Variants in PAPSS1 observed in about 807,000 individuals in gnomAD.
PAPSS1 encodes bifunctional 3'-phosphoadenosine 5'-phosphosulfate synthase 1.
Under a neutral mutation model 72.0 loss-of-function variants are expected in PAPSS1, and 50 were observed. The observed-to-expected ratio is 0.69, with a 90% CI of 0.55 to 0.88. PAPSS1 has a LOEUF of 0.88. Ranked by LOEUF, PAPSS1 falls within the 40% of genes least tolerant of loss-of-function variation. The pLI is 0.00. For missense variants in PAPSS1, 657 were observed against 782.2 expected (o/e 0.84, Z 1.91); for synonymous variants, 261 against 263.6 (o/e 0.99, Z 0.09).
At chr4:107,623,989 A>C (rs1316582771) in intron 11 of PAPSS1, among the ~76,000 whole-genome samples, 1 of 152,140 alleles carries the variant, frequency 6.6e-6, no homozygotes, top group Admixed American at 6.5e-5. Flanking sequence ...AGAAACCCAA[A>C]TTTTTTATAA....
At chr4:107,689,351 C>G (rs997903540) in intron 3 of PAPSS1, among the ~76,000 whole-genome samples, 1 of 152,148 alleles carries the variant, frequency 6.6e-6, no homozygotes, top group African/African-American at 2.4e-5. Flanking sequence ...CACGCCACAA[C>G]CCAACCCCTA....
chr4:107,694,493 G>A (rs1478924394), intron 2 of PAPSS1, among the ~76,000 whole-genome samples: 1 of 151,140 alleles, frequency 6.6e-6, no homozygotes, highest in Non-Finnish European at 1.5e-5. Context: ...ACTTCAGAAA[G>A]GCTTAACTAA....
chr4:107,714,873 C>T (rs1488634017), intron 1 of PAPSS1, among the ~76,000 whole-genome samples: 1 of 152,096 alleles, frequency 6.6e-6, no homozygotes, highest in African/African-American at 2.4e-5. Context: ...GAAGCAACTA[C>T]GCTAAGGGGA....
At chr4:107,693,025 T>C (rs1054797333) in intron 3 of PAPSS1, among the ~76,000 whole-genome samples, 2 of 152,110 alleles carry the variant, frequency 1.3e-5, no homozygotes, top group Non-Finnish European at 2.9e-5. Context: ...TCAGGAAGAA[T>C]AGCTAATGGA....
rs1014121948 is a variant in PAPSS1 at position 107,656,198 on chromosome 4, C to A, written c.895+698G>T. Among the ~76,000 whole-genome samples, 6 of 152,108 alleles carry A rather than the reference C, an allele frequency of 3.9e-5. No individual in the cohort carries two copies. The South Asian group carries it at 8.3e-4, about 21-fold the overall frequency. On this transcript the variant is annotated intron_variant, in intron 7 of 11. Coordinates refer to ENST00000265174, the MANE Select transcript of PAPSS1 (RefSeq NM_005443.5). ...TGCCATGATCTTGGCTCACCACACC[C>A]TCCACTTCCTAGGTTCAAGCGATTC... is the stretch of plus-strand genomic sequence containing the variant.
chr4:107,715,761 A>G (rs1228158585), intron 1 of PAPSS1, among the ~76,000 whole-genome samples: 1 of 152,226 alleles, frequency 6.6e-6, no homozygotes, highest in Non-Finnish European at 1.5e-5. Context: ...AGTGTTAAAT[A>G]TTTGAGGAGC....
chr4:107,716,313 C>T (rs1438667562), intron 1 of PAPSS1, among the ~76,000 whole-genome samples: 1 of 152,174 alleles, frequency 6.6e-6, no homozygotes, highest in Non-Finnish European at 1.5e-5. Context: ...AACATTTCAG[C>T]CCCTGACAAA....
chr4:107,685,042 A>G (rs983879386), intron 4 of PAPSS1, among the ~76,000 whole-genome samples: 1 of 152,132 alleles, frequency 6.6e-6, no homozygotes, highest in Non-Finnish European at 1.5e-5. Flanking sequence ...AGTAGCTGGG[A>G]CTACAGGCGC....
intron 11 of PAPSS1, among the ~76,000 whole-genome samples, chr4:107,615,689 C>T (rs1228726741): frequency 6.6e-6 from 1 of 152,074 alleles, no homozygotes; most frequent in Admixed American, 6.5e-5. Flanking sequence ...ATAAGATGCT[C>T]ATGATGTGAT....
intron 1 of PAPSS1, among the ~76,000 whole-genome samples, chr4:107,705,464 G>C (rs962665625): frequency 6.6e-6 from 1 of 152,058 alleles, no homozygotes; most frequent in Non-Finnish European, 1.5e-5. Flanking sequence ...TTCACCTTCC[G>C]CCATGATTAT....
chr4:107,719,454 A>G (rs1257824185), intron 1 of PAPSS1, among the ~76,000 whole-genome samples: 3 of 152,224 alleles, frequency 2.0e-5, no homozygotes, highest in Admixed American at 1.3e-4. Flanking sequence ...TAAACGTTAT[A>G]AAGGACTGGT....
chr4:107,636,871 T>C (rs182800021), intron 10 of PAPSS1, among the ~76,000 whole-genome samples: 4 of 152,306 alleles, frequency 2.6e-5, no homozygotes, highest in African/African-American at 4.8e-5. Flanking sequence ...AAAATTTCCT[T>C]CCCAAAGACA....
chr4:107,618,611 A>C (rs537573933), intron 11 of PAPSS1, among the ~76,000 whole-genome samples: 19 of 152,022 alleles, frequency 1.2e-4, no homozygotes, highest in African/African-American at 4.3e-4. Context: ...AGAGAGACAG[A>C]AATGATTTGG....
chr4:107,640,518 CT>C (rs1201293025), intron 10 of PAPSS1, among the ~76,000 whole-genome samples: 1 of 151,418 alleles, frequency 6.6e-6, no homozygotes, highest in Admixed American at 6.6e-5. Flanking sequence ...TACTGACAGA[CT>C]TTTTCCTGAT....
chr4:107,720,193 G>C lies in PAPSS1; in HGVS notation c.-14C>G. On this transcript the variant is annotated 5_prime_UTR_variant, in exon 1 of 12. Transcript: ENST00000265174. ...GGGGATCTCCATGACCGCGGAGCGC[G>C]CTGAGCAGCCGGGGTTCTCTGCGCC... 5.6e-6 allele frequency: 9 copies of C among 1,599,642 alleles called. No individual in the cohort carries two copies. The highest frequency in any genetic ancestry group is 2.3e-5 in the East Asian group (1 of 43,212).
At chr4:107,713,900 T>A (rs1354146393) in intron 1 of PAPSS1, among the ~76,000 whole-genome samples, 1 of 152,232 alleles carries the variant, frequency 6.6e-6, no homozygotes, top group Non-Finnish European at 1.5e-5. Context: ...TGAATTTCTC[T>A]ACATAATGTC....
chr4:107,701,937 A>T (rs1242373480), intron 1 of PAPSS1, among the ~76,000 whole-genome samples: 1 of 151,642 alleles, frequency 6.6e-6, no homozygotes, highest in Admixed American at 6.6e-5. Flanking sequence ...AAAAAGTGGA[A>T]TGTACTGGTT....
At chr4:107,677,138 A>G (rs1294484527) in intron 5 of PAPSS1, among the ~76,000 whole-genome samples, 6 of 152,084 alleles carry the variant, frequency 3.9e-5, no homozygotes, top group African/African-American at 7.2e-5. Flanking sequence ...AGGACTTCAT[A>G]TCTAAAACAC....
chr4:107,701,184 T>C lies in PAPSS1; in HGVS notation c.162A>G (p.Thr54=). The C allele has an allele frequency of 6.2e-7, 1 of 1,612,668 alleles. No homozygotes were observed. The highest frequency in any genetic ancestry group is 8.5e-7 in the Non-Finnish European group (1 of 1,178,832). ...VGTRGGFRGC[T]VWLTGLSGAG... ...TCTTGACCATACCTGTTAGCCAAACTGTGCAACCACGAAAGCCACCTCTGG... is the reference window on the plus strand; with the variant it reads ...TCTTGACCATACCTGTTAGCCAAACCGTGCAACCACGAAAGCCACCTCTGG... The change falls in exon 2 of 12, where the codon ACA becomes ACG. Residue 54 remains threonine, a synonymous_variant. Transcript: ENST00000265174.
Sources: gnomAD v4.1 joint callset for allele counts (sites outside exome capture counted in the v4.1 genomes callset) on GRCh38, gnomAD v4.1.1 for gene constraint, MANE v1.5 for transcripts, NCBI Gene and HGNC (gene_info 2026-07-23, HGNC 2026-07-21) for gene names.